The following LRRC7 variants were observed in gnomAD, a reference collection of about 807,000 sequenced individuals.
LRRC7 encodes leucine rich repeat containing 7, also known as leucine-rich repeat-containing protein 7.
LRRC7 carries 23 observed loss-of-function variants against 175.7 expected under a neutral mutation model. That is an observed-to-expected ratio of 0.13 (90% confidence interval 0.09 to 0.19). The LOEUF (loss-of-function observed/expected upper bound fraction) is 0.19, where lower values mean the gene tolerates loss of function less well. LRRC7 is among the 10% of genes least tolerant of loss of function. The pLI, the probability that LRRC7 is intolerant of heterozygous loss-of-function variation, is 1.00. For synonymous variants in LRRC7, 685 were observed against 680.9 expected, an observed-to-expected ratio of 1.01 and a Z score of -0.09; for missense variants, 1,354 against 1,904.7, an observed-to-expected ratio of 0.71 and a Z score of 5.38.
At chr1:70,058,126 C>T (rs777635514) in intron 23 of LRRC7, among the ~76,000 whole-genome samples, 3 of 151,718 alleles carry the variant, frequency 2.0e-5, no homozygotes, top group Non-Finnish European at 2.9e-5. Flanking sequence ...TCGCGCGCCT[C>T]ACCCTCCCAA....
chr1:69,677,258 T>G (rs1659897123), intron 1 of LRRC7, among the ~76,000 whole-genome samples: 1 of 112,726 alleles, frequency 8.9e-6, no homozygotes, highest in Admixed American at 8.6e-5. Flanking sequence ...ATATATCATA[T>G]ATATATCATA....
intron 1 of LRRC7, among the ~76,000 whole-genome samples, chr1:69,677,098 G>C (rs1659861601): frequency 6.6e-6 from 1 of 150,808 alleles, no homozygotes; most frequent in South Asian, 2.1e-4. Context: ...CCGAGTTACT[G>C]AACATTATTT....
chr1:69,995,155 C>T (rs1452035346), intron 11 of LRRC7, among the ~76,000 whole-genome samples: 1 of 151,980 alleles, frequency 6.6e-6, no homozygotes, highest in Non-Finnish European at 1.5e-5. Flanking sequence ...TCTAACATTG[C>T]CTTTTAAAGA....
chr1:69,589,373 C>G (rs1318935879), intron 1 of LRRC7, among the ~76,000 whole-genome samples: 1 of 152,104 alleles, frequency 6.6e-6, no homozygotes, highest in East Asian at 1.9e-4. Flanking sequence ...TCCATCCTTT[C>G]AAATCCTTCC....
intron 2 of LRRC7, among the ~76,000 whole-genome samples, chr1:69,747,641 T>G (rs1004499594): frequency 2.0e-5 from 3 of 152,184 alleles, no homozygotes; most frequent in African/African-American, 7.2e-5. Context: ...CTAAATAATT[T>G]AATTCAGTAA....
intron 11 of LRRC7, among the ~76,000 whole-genome samples, chr1:70,002,475 T>TC (rs546778514): frequency 2.1e-3 from 322 of 152,336 alleles, no homozygotes; most frequent in East Asian, 4.8e-3. Context: ...CAGTCTCATG[T>TC]TTATCTTTTG....
At position 70,096,699 on chromosome 1, in the gene LRRC7, T is replaced by C. The variant is rs558393109; in HGVS notation, c.4545+6880T>C. Among the ~76,000 whole-genome samples, 72 of 152,264 alleles carry C rather than the reference T, an allele frequency of 4.7e-4. No homozygotes were observed. The South Asian group carries it at 8.9e-3, about 19-fold the overall frequency. On this transcript the variant is annotated intron_variant, in intron 25 of 26. Coordinates refer to ENST00000651989, the MANE Select transcript of LRRC7 (RefSeq NM_001370785.2). ...AGTACCTAGACTTGGCAACCTTTGC[T>C]TATTCCTAGACTGAAAAAAAAAGAC...
intron 2 of LRRC7, among the ~76,000 whole-genome samples, chr1:69,731,742 T>C (rs541209729): frequency 6.6e-6 from 1 of 152,316 alleles, no homozygotes; most frequent in African/African-American, 2.4e-5. Flanking sequence ...TCTCCATCTA[T>C]GAAAGTTAGC....
rs182019901 is a variant in LRRC7, at chr1:69,572,889, C to T, written c.2+4248C>T. On this transcript the variant is annotated intron_variant, in intron 1 of 26. Coordinates refer to ENST00000651989, the MANE Select transcript of LRRC7 (RefSeq NM_001370785.2). ...GTGTGGGGTATGTGTGTGTGTGGTT[C>T]TGTTTAGTGATAGCATAGTATAATT... Among the ~76,000 whole-genome samples, 21 of 151,858 alleles carry T rather than the reference C, an allele frequency of 1.4e-4. No homozygotes were observed. The East Asian group carries it at 3.3e-3, about 24-fold the overall frequency.
At chr1:69,574,686 G>A (rs1353639522) in intron 1 of LRRC7, among the ~76,000 whole-genome samples, 2 of 152,104 alleles carry the variant, frequency 1.3e-5, no homozygotes, top group Non-Finnish European at 2.9e-5. Flanking sequence ...TAAGTGTTCT[G>A]CATCAAAAGT....
At chr1:70,015,347 C>T (rs1027052703) in intron 13 of LRRC7, among the ~76,000 whole-genome samples, 19 of 151,926 alleles carry the variant, frequency 1.3e-4, no homozygotes, top group Non-Finnish European at 2.6e-4. Context: ...TGTTTAACTG[C>T]TTTCGCTCAT....
At chr1:69,786,614 A>G (rs1674469829) in intron 3 of LRRC7, among the ~76,000 whole-genome samples, 1 of 152,154 alleles carries the variant, frequency 6.6e-6, no homozygotes, top group Non-Finnish European at 1.5e-5. Context: ...ATGGAAGGTA[A>G]AAGGCACATC....
At chr1:69,780,612 C>T (rs999708437) in intron 3 of LRRC7, among the ~76,000 whole-genome samples, 1 of 152,050 alleles carries the variant, frequency 6.6e-6, no homozygotes, top group South Asian at 2.1e-4. Flanking sequence ...ACCATTTTTA[C>T]TCTCTTATTA....
intron 2 of LRRC7, among the ~76,000 whole-genome samples, chr1:69,756,685 C>G (rs1384461448): frequency 4.0e-5 from 6 of 151,478 alleles, no homozygotes; most frequent in African/African-American, 1.5e-4. Flanking sequence ...TTTGAGGTAT[C>G]AAAAAGGAAA....
rs1666731770 is a variant in LRRC7 at position 70,132,914 on chromosome 1, G to T, written c.*11027G>T. Among the ~76,000 whole-genome samples the T allele has an allele frequency of 6.6e-6, 1 of 152,248 alleles. No homozygotes were observed. Among genetic ancestry groups the T allele is most frequent in the African/African-American group, 2.4e-5 (1 of 41,542 alleles). ...GTTCATTTGTCTATCTTCAGGGAAG[G>T]ATTCATGCTATTCTTAAATTCCTGG... On this transcript the variant is annotated 3_prime_UTR_variant, in exon 27 of 27. Coordinates refer to ENST00000651989, the MANE Select transcript of LRRC7 (RefSeq NM_001370785.2).
chr1:69,987,542 C>T (rs532559404), intron 10 of LRRC7, among the ~76,000 whole-genome samples: 86 of 152,314 alleles, frequency 5.6e-4, no homozygotes, highest in Non-Finnish European at 1.1e-3. Context: ...TCCAAGCCAA[C>T]TTGTGACTTG....
intron 7 of LRRC7, among the ~76,000 whole-genome samples, chr1:69,885,057 G>C (rs1464751761): frequency 7.5e-6 from 1 of 132,576 alleles, no homozygotes; most frequent in Non-Finnish European, 1.6e-5. Flanking sequence ...TGTTCATCAA[G>C]GATATTGGTC....
chr1:69,892,575 TAACAA>T (rs1333134576), intron 7 of LRRC7, among the ~76,000 whole-genome samples: 2 of 152,328 alleles, frequency 1.3e-5, no homozygotes, highest in East Asian at 3.9e-4. Context: ...GTCATCCCTC[TAACAA>T]AACAGTAAGC....
chr1:69,765,878 G>T lies in LRRC7; in HGVS notation c.303+5485G>T, dbSNP rs1569615258. The stretch of plus-strand genomic sequence containing the variant: ...CTGCACAGATTGCAGTTGTTAGCTT[G>T]GTTTTAGATATTGCATTATCAAATA... On this transcript the variant is annotated intron_variant, in intron 3 of 26. Transcript: ENST00000651989. 2.0e-5 allele frequency among the ~76,000 whole-genome samples: 3 copies of T among 151,948 alleles called. No individual in the cohort carries two copies. In the East Asian group the frequency reaches 5.8e-4, roughly 29 times the overall value.
Sources: gnomAD v4.1 joint callset for allele counts (sites outside exome capture counted in the v4.1 genomes callset) on GRCh38, gnomAD v4.1.1 for gene constraint, MANE v1.5 for transcripts, NCBI Gene and HGNC (gene_info 2026-07-23, HGNC 2026-07-21) for gene names.